ATP1B3: variants seen among roughly 807,000 people sequenced by gnomAD.
The protein encoded by ATP1B3 is sodium/potassium-transporting ATPase subunit beta-3.
Under a neutral mutation model 30.2 loss-of-function variants are expected in ATP1B3, and 10 were observed. The observed-to-expected ratio is 0.33, with a 90% CI of 0.20 to 0.56. The LOEUF is 0.56. ATP1B3 is among the 20% of genes least tolerant of loss of function. The pLI, the probability that ATP1B3 is intolerant of heterozygous loss-of-function variation, is 0.90. For synonymous variants in ATP1B3, 113 were observed against 117.0 expected, an observed-to-expected ratio of 0.97 and a Z score of 0.22; for missense variants, 238 against 336.7, an observed-to-expected ratio of 0.71 and a Z score of 2.29.
intron 3 of ATP1B3, among the ~76,000 whole-genome samples, chr3:141,909,200 T>C (rs1394083892): frequency 6.6e-6 from 1 of 152,248 alleles, no homozygotes; most frequent in African/African-American, 2.4e-5. Context: ...AAAAGACTTT[T>C]GTGAAAGTAT....
intron 1 of ATP1B3, among the ~76,000 whole-genome samples, chr3:141,897,317 T>A (rs2107769952): frequency 6.6e-6 from 1 of 152,382 alleles, no homozygotes; most frequent in Non-Finnish European, 1.5e-5. Context: ...TTTGTTTTTT[T>A]TCCTAGCATC....
In ATP1B3 at chr3:141,876,699, C is replaced by T. The variant is rs1933595621; in HGVS notation, c.-103C>T. The T allele has an allele frequency of 4.9e-6, 4 of 809,378 alleles. No individual in the cohort carries two copies. The highest frequency in any genetic ancestry group is 5.9e-6 in the Non-Finnish European group (3 of 506,386). 50.1% of individuals were successfully genotyped at this position (809,378 alleles called of 1,614,324 possible). ...GTGTTCTCGGCCGTCCCACCCTTCA[C>T]TGCCGTCTCCGGGCTGCGCCGCCGG... On this transcript the variant is annotated 5_prime_UTR_variant, in exon 1 of 7. Coordinates refer to ENST00000286371, the MANE Select transcript of ATP1B3 (RefSeq NM_001679.4).
At chr3:141,903,516 ATCGTAC>A in intron 1 of ATP1B3, 98 bp from the exon 2 acceptor site, 1 of 1,516,996 alleles carries the variant, frequency 6.6e-7, no homozygotes, top group South Asian at 1.2e-5. Context: ...AAAGCTTGGG[ATCGTAC>A]CCTTGCAAGA....
chr3:141,892,412 AT>A (rs1332667099), intron 1 of ATP1B3, among the ~76,000 whole-genome samples: 1 of 152,062 alleles, frequency 6.6e-6, no homozygotes, highest in Admixed American at 6.6e-5. Context: ...CATTAAGTGG[AT>A]TTTTTAACTG....
At position 141,922,872 on chromosome 3, in the gene ATP1B3, A is replaced by G. The variant is rs191879232; in HGVS notation, c.669+809A>G. 2.0e-5 allele frequency among the ~76,000 whole-genome samples: 3 copies of G among 152,332 alleles called. No individual in the cohort carries two copies. In the East Asian group the frequency reaches 5.8e-4, roughly 29 times the overall value. On this transcript the variant is annotated intron_variant, in intron 6 of 6. Coordinates refer to ENST00000286371, the MANE Select transcript of ATP1B3 (RefSeq NM_001679.4). ...TCCCAGCTGCTCGAGAGGGTGAGGC[A>G]GGAGACTGGCATGAACCTGGGAGTC...
chr3:141,916,484 T>G, intron 5 of ATP1B3: 1 of 1,105,526 alleles, frequency 9.0e-7, no homozygotes, highest in Non-Finnish European at 1.2e-6. Context: ...TACTTTTTTT[T>G]CCAGAATACT....
chr3:141,902,943 C>G (rs577271812), intron 1 of ATP1B3: 57 of 152,328 alleles, frequency 3.7e-4, no homozygotes, highest in African/African-American at 1.3e-3. Context: ...GAACGACTCA[C>G]AAATTTGCAT....
intron 2 of ATP1B3, among the ~76,000 whole-genome samples, chr3:141,906,275 G>T (rs1370619328): frequency 6.6e-6 from 1 of 152,028 alleles, no homozygotes; most frequent in Non-Finnish European, 1.5e-5. Context: ...TGTCTCCCAG[G>T]TTCAAGCAGT....
intron 1 of ATP1B3, among the ~76,000 whole-genome samples, chr3:141,880,593 G>A (rs1933702945): frequency 6.6e-6 from 1 of 151,854 alleles, no homozygotes; most frequent in African/African-American, 2.4e-5. Context: ...GCCAAGTGTT[G>A]CCATTAACAT....
intron 6 of ATP1B3, among the ~76,000 whole-genome samples, chr3:141,924,339 C>CA (rs34894586): frequency 1.1e-3 from 125 of 112,894 alleles, no homozygotes; most frequent in East Asian, 5.0e-3. Context: ...TGCAATGTCT[C>CA]AAAAAAAAAA....
At chr3:141,888,554 A>G (rs1161671827) in intron 1 of ATP1B3, among the ~76,000 whole-genome samples, 1 of 152,160 alleles carries the variant, frequency 6.6e-6, no homozygotes, top group Non-Finnish European at 1.5e-5. Context: ...ACACTGCTAT[A>G]AAGAACTACC....
chr3:141,912,813 A>G (rs2107776541), intron 3 of ATP1B3, among the ~76,000 whole-genome samples: 1 of 152,226 alleles, frequency 6.6e-6, no homozygotes, highest in African/African-American at 2.4e-5. Context: ...CTTCCCTCCC[A>G]TTACCAAGTT....
intron 1 of ATP1B3, among the ~76,000 whole-genome samples, chr3:141,893,995 C>T (rs1180391944): frequency 6.6e-6 from 1 of 152,216 alleles, no homozygotes; most frequent in Non-Finnish European, 1.5e-5. Flanking sequence ...TTGCTCCTAG[C>T]TGCAAACTTG....
intron 1 of ATP1B3, among the ~76,000 whole-genome samples, chr3:141,901,156 T>A (rs776086065): frequency 5.3e-5 from 8 of 152,208 alleles, no homozygotes; most frequent in Non-Finnish European, 1.2e-4. Flanking sequence ...ACGTTAGTAA[T>A]ATGATAGGTA....
rs367653706 is a variant in ATP1B3 at position 141,884,149 on chromosome 3, G to A, written c.109+7239G>A. The stretch of plus-strand genomic sequence containing the variant: ...GGGGTGCTATTACTAATAATATTTC[G>A]GAAAATTTTTTTTAACATAATAACC... On this transcript the variant is annotated intron_variant, in intron 1 of 6. Coordinates refer to ENST00000286371, the MANE Select transcript of ATP1B3 (RefSeq NM_001679.4). Among the ~76,000 whole-genome samples, 20 of 151,806 alleles carry A rather than the reference G, an allele frequency of 1.3e-4. No individual in the cohort carries two copies. The East Asian group carries it at 1.6e-3, about 12-fold the overall frequency.
chr3:141,880,536 A>C (rs1239589040), intron 1 of ATP1B3, among the ~76,000 whole-genome samples: 1 of 152,224 alleles, frequency 6.6e-6, no homozygotes, highest in African/African-American at 2.4e-5. Flanking sequence ...TTAGAGTCAA[A>C]TTAATGAAGC....
chr3:141,916,678 A>G (rs1389715891), intron 5 of ATP1B3: 5 of 866,230 alleles, frequency 5.8e-6, no homozygotes, highest in South Asian at 1.5e-5. Flanking sequence ...AGAATGTTAC[A>G]TTGAAATCAC....
intron 3 of ATP1B3, among the ~76,000 whole-genome samples, 196 bp from the exon 4 acceptor site, chr3:141,913,456 A>G (rs1934404198): frequency 6.6e-6 from 1 of 152,218 alleles, no homozygotes; most frequent in Non-Finnish European, 1.5e-5. Flanking sequence ...ATGATTATTG[A>G]AATGCAGTAA....
At chr3:141,923,048 C>T (rs911431282) in intron 6 of ATP1B3, among the ~76,000 whole-genome samples, 37 of 152,052 alleles carry the variant, frequency 2.4e-4, no homozygotes, top group Admixed American at 1.8e-3. Context: ...GAGGCCGAGG[C>T]GGGCAGATCA....
Sources: gnomAD v4.1 joint callset for allele counts (sites outside exome capture counted in the v4.1 genomes callset) on GRCh38, gnomAD v4.1.1 for gene constraint, MANE v1.5 for transcripts, NCBI Gene and HGNC (gene_info 2026-07-23, HGNC 2026-07-21) for gene names.